CNTNAP2: variants seen among roughly 807,000 people sequenced by gnomAD.
CNTNAP2 encodes contactin associated protein 2, also known as contactin-associated protein-like 2.
In CNTNAP2, 98 loss-of-function variants were observed where a neutral mutation model predicts 155.2. The observed-to-expected ratio is 0.63, with a 90% CI of 0.54 to 0.75. CNTNAP2 has a LOEUF of 0.75. CNTNAP2 is among the 30% of genes least tolerant of loss of function. The probability of loss-of-function intolerance (pLI) is 0.00; values close to 1 mark genes in which losing one functional copy is unlikely to be tolerated. For synonymous variants in CNTNAP2, 651 were observed against 631.2 expected (o/e 1.03, Z -0.47); for missense variants, 1,727 against 1,688.1 (o/e 1.02, Z -0.40).
intron 15 of CNTNAP2, among the ~76,000 whole-genome samples, chr7:148,013,594 G>A (rs1298779836): frequency 6.6e-6 from 1 of 152,084 alleles, no homozygotes; most frequent in African/African-American, 2.4e-5. Flanking sequence ...GTGTATTATT[G>A]GCCAAAATTG....
chr7:146,638,309 C>T (rs1439716602), intron 1 of CNTNAP2, among the ~76,000 whole-genome samples: 1 of 151,934 alleles, frequency 6.6e-6, no homozygotes, highest in African/African-American at 2.4e-5. Flanking sequence ...AAATGACCTC[C>T]AGTTTGTTGG....
At chr7:147,001,486 C>T (rs1216579810) in intron 3 of CNTNAP2, among the ~76,000 whole-genome samples, 3 of 151,920 alleles carry the variant, frequency 2.0e-5, no homozygotes, top group Non-Finnish European at 4.4e-5. Context: ...TACCATAGAT[C>T]TTAATATAGA....
intron 12 of CNTNAP2, among the ~76,000 whole-genome samples, chr7:147,564,029 C>T (rs1207340800): frequency 6.6e-6 from 1 of 152,022 alleles, no homozygotes; most frequent in Non-Finnish European, 1.5e-5. Context: ...ATAGTGAGAC[C>T]ACATCTCTAT....
At chr7:146,827,718 T>C (rs113102335) in intron 2 of CNTNAP2, among the ~76,000 whole-genome samples, 416 of 152,124 alleles carry the variant, frequency 2.7e-3, no homozygotes, top group African/African-American at 9.2e-3. Flanking sequence ...CTGACATAAC[T>C]TTTCCTTTCT....
In CNTNAP2 at chr7:147,469,125, A is replaced by G. The variant is rs936732945; in HGVS notation, c.1671-16810A>G. On this transcript the variant is annotated intron_variant, in intron 10 of 23. Coordinates refer to ENST00000361727, the MANE Select transcript of CNTNAP2 (RefSeq NM_014141.6). ...GGCATGAGCTGCCGTGACAGCCAAA[A>G]ACTGCCCTATTTTCACAGTGAATAC... 5.5e-4 allele frequency among the ~76,000 whole-genome samples: 84 copies of G among 152,112 alleles called. 1 individual carries two copies. Among genetic ancestry groups the G allele is most frequent in the African/African-American group, 2.0e-3 (82 of 41,510 alleles).
chr7:147,735,504 T>C (rs1232115974), intron 13 of CNTNAP2, among the ~76,000 whole-genome samples: 2 of 152,268 alleles, frequency 1.3e-5, no homozygotes, highest in South Asian at 4.1e-4. Context: ...TTCTGTTGAT[T>C]TGGGGTGGAG....
chr7:147,109,070 G>A (rs554437808), intron 5 of CNTNAP2, among the ~76,000 whole-genome samples: 161 of 152,286 alleles, frequency 1.1e-3, no homozygotes, highest in African/African-American at 3.5e-3. Context: ...AGAATAGGAA[G>A]CTGTTGGAAG....
intron 1 of CNTNAP2, among the ~76,000 whole-genome samples, chr7:146,238,769 G>C (rs1312257962): frequency 6.6e-6 from 1 of 152,144 alleles, no homozygotes; most frequent in Admixed American, 6.5e-5. Context: ...GGAGGCCTCA[G>C]GAAACTTGCA....
At chr7:146,995,005 A>G (rs1439027891) in intron 3 of CNTNAP2, among the ~76,000 whole-genome samples, 1 of 152,024 alleles carries the variant, frequency 6.6e-6, no homozygotes, top group Non-Finnish European at 1.5e-5. Flanking sequence ...AAACCACTCC[A>G]GCCTCTGTTA....
chr7:146,708,588 A>ATTTTTTTTTTTTTTTTTTT (rs71165029), intron 1 of CNTNAP2, among the ~76,000 whole-genome samples: 5 of 63,956 alleles, frequency 7.8e-5, no homozygotes, highest in Middle Eastern at 0.031. Context: ...AAAAAAAGTG[A>ATTTTTTTTTTTTTTTTTTT]TTTTTTTTTT....
chr7:146,528,047 A>G (rs565674785), intron 1 of CNTNAP2, among the ~76,000 whole-genome samples: 1 of 152,226 alleles, frequency 6.6e-6, no homozygotes, highest in African/African-American at 2.4e-5. Flanking sequence ...TCTTCTTTCT[A>G]TTGATATAAT....
chr7:147,483,954 A>G (rs1381124991), intron 10 of CNTNAP2, among the ~76,000 whole-genome samples: 1 of 152,218 alleles, frequency 6.6e-6, no homozygotes, highest in Non-Finnish European at 1.5e-5. Flanking sequence ...ATGATTTTCA[A>G]CATTTTAATC....
chr7:146,809,216 A>G (rs1374951689), intron 2 of CNTNAP2, among the ~76,000 whole-genome samples: 2 of 152,156 alleles, frequency 1.3e-5, no homozygotes, highest in Non-Finnish European at 2.9e-5. Context: ...TTTTCTCTAC[A>G]GCCTCCCAAA....
chr7:147,722,745 A>G (rs998045409), intron 13 of CNTNAP2, among the ~76,000 whole-genome samples: 2 of 152,096 alleles, frequency 1.3e-5, no homozygotes, highest in Non-Finnish European at 2.9e-5. Context: ...AGCTCGGAGC[A>G]CTATTTGCAA....
intron 20 of CNTNAP2, among the ~76,000 whole-genome samples, chr7:148,264,506 A>T (rs1796631909): frequency 6.6e-6 from 1 of 152,132 alleles, no homozygotes; most frequent in East Asian, 1.9e-4. Context: ...ATACAAAACA[A>T]TGTGTTACTT....
intron 18 of CNTNAP2, among the ~76,000 whole-genome samples, chr7:148,179,812 C>G (rs2116701814): frequency 6.6e-6 from 1 of 151,908 alleles, no homozygotes; most frequent in South Asian, 2.1e-4. Context: ...CCTTTTTGCT[C>G]CAAGAGACCT....
intron 3 of CNTNAP2, among the ~76,000 whole-genome samples, chr7:146,921,206 G>T (rs111789808): frequency 9.4e-4 from 143 of 152,232 alleles, no homozygotes; most frequent in African/African-American, 3.2e-3. Flanking sequence ...CTTGATTGTG[G>T]TGGTAATTAT....
chr7:146,624,842 T>A (rs772250363), intron 1 of CNTNAP2, among the ~76,000 whole-genome samples: 1 of 151,980 alleles, frequency 6.6e-6, no homozygotes, highest in Admixed American at 6.6e-5. Context: ...TATTGAGTCT[T>A]CCAAGTCATA....
intron 1 of CNTNAP2, among the ~76,000 whole-genome samples, chr7:146,720,986 ACTG>A (rs1379723010): frequency 3.1e-5 from 4 of 129,172 alleles, no homozygotes; most frequent in Admixed American, 7.5e-5. Flanking sequence ...GACTATATAT[ACTG>A]TATATATATA....
Sources: allele counts gnomAD v4.1 joint callset (sites outside exome capture counted in the v4.1 genomes callset), GRCh38; gene constraint gnomAD v4.1.1; transcripts MANE v1.5; gene names NCBI Gene and HGNC (gene_info 2026-07-23, HGNC 2026-07-21).